The following CHN1 variants were observed in gnomAD, a reference collection of about 807,000 sequenced individuals.
CHN1 encodes chimerin 1.
Under a neutral mutation model 59.5 loss-of-function variants are expected in CHN1, and 37 were observed. The ratio of observed to expected loss-of-function variants is 0.62; its 90% confidence interval spans 0.48 to 0.82. CHN1 has a LOEUF of 0.82. CHN1 is among the 40% of genes least tolerant of loss of function. CHN1 has a pLI of 0.00. For synonymous variants in CHN1, 206 were observed against 200.4 expected, an observed-to-expected ratio of 1.03 and a Z score of -0.24; for missense variants, 469 against 571.0, an observed-to-expected ratio of 0.82 and a Z score of 1.82.
At chr2:174,886,312 C>G (rs1464381062) in intron 5 of CHN1, among the ~76,000 whole-genome samples, 1 of 152,170 alleles carries the variant, frequency 6.6e-6, no homozygotes, top group African/African-American at 2.4e-5. Context: ...TTCTTGGTGA[C>G]TCAAGTTTAT....
chr2:174,978,316 T>G (rs1470408553), intron 1 of CHN1, among the ~76,000 whole-genome samples: 1 of 152,232 alleles, frequency 6.6e-6, no homozygotes, highest in Non-Finnish European at 1.5e-5. Context: ...AGCTGTCTTG[T>G]AGAATGTCCA....
In CHN1 at chr2:174,810,377, T is replaced by C. The variant is rs1394926786; in HGVS notation, c.964+1134A>G. Among the ~76,000 whole-genome samples, 3 of 152,206 alleles carry C rather than the reference T, an allele frequency of 2.0e-5. No individual in the cohort carries two copies. In the East Asian group the frequency reaches 5.8e-4, roughly 29 times the overall value. ...GGTGAGCTCTTCATGAATTTTAAAA[T>C]CTGTTACTGGTGTTTTCAGGTCACA... On this transcript the variant is annotated intron_variant, in intron 10 of 12. Coordinates refer to ENST00000409900, the MANE Select transcript of CHN1 (RefSeq NM_001822.7).
chr2:174,960,900 G>A (rs1690375819), intron 1 of CHN1, among the ~76,000 whole-genome samples: 1 of 151,968 alleles, frequency 6.6e-6, no homozygotes, highest in Non-Finnish European at 1.5e-5. Flanking sequence ...GCTGAGGCAG[G>A]AGGATCACTT....
At chr2:174,953,327 T>C (rs1379734948) in intron 1 of CHN1, among the ~76,000 whole-genome samples, 2 of 152,120 alleles carry the variant, frequency 1.3e-5, no homozygotes, top group African/African-American at 4.8e-5. Flanking sequence ...ACAAATACTT[T>C]GAGAAAAAGG....
intron 6 of CHN1, among the ~76,000 whole-genome samples, chr2:174,852,097 T>C (rs1050887254): frequency 6.7e-6 from 1 of 149,832 alleles, no homozygotes; most frequent in Non-Finnish European, 1.5e-5. Context: ...GCCAACATGA[T>C]GAAACCCCTT....
intron 5 of CHN1, among the ~76,000 whole-genome samples, chr2:174,894,363 T>A (rs185508977): frequency 9.3e-4 from 141 of 152,026 alleles, no homozygotes; most frequent in Admixed American, 2.4e-3. Flanking sequence ...AACAAGCATA[T>A]GAAAAGATGT....
At chr2:174,838,316 C>G (rs756052898) in intron 7 of CHN1, among the ~76,000 whole-genome samples, 2 of 152,112 alleles carry the variant, frequency 1.3e-5, no homozygotes, top group Non-Finnish European at 2.9e-5. Context: ...TGGTCTTGAA[C>G]TCCTGACCTC....
In CHN1 at chr2:174,824,359, C is replaced by T. The variant is rs1222319153; in HGVS notation, c.712+75G>A. ...GATCCAGCCTACTGGATATGCATAA[C>T]AACAAGTCTCCTTCTACCTCACCTC... On this transcript the variant is annotated intron_variant, in intron 8 of 12. Transcript: ENST00000409900. 6.9e-6 allele frequency: 8 copies of T among 1,155,184 alleles called. No homozygotes were observed. In the Admixed American group the frequency reaches 1.6e-4, roughly 23 times the overall value. 71.6% of individuals were successfully genotyped at this position (1,155,184 alleles called of 1,614,324 possible). A position where few individuals can be genotyped will look rare whatever the true frequency, so the allele number is the denominator to read the frequency against.
intron 6 of CHN1, among the ~76,000 whole-genome samples, chr2:174,852,800 C>T (rs192876007): frequency 2.0e-5 from 3 of 152,084 alleles, no homozygotes; most frequent in Admixed American, 1.3e-4. Flanking sequence ...ATCTGATCTT[C>T]GACAAGGCTG....
intron 4 of CHN1, among the ~76,000 whole-genome samples, chr2:174,917,980 C>A (rs966338158): frequency 1.3e-5 from 2 of 151,964 alleles, no homozygotes; most frequent in African/African-American, 4.8e-5. Context: ...TTAAATGGAA[C>A]AATCAGGCTA....
At chr2:174,983,104 T>C (rs1691212434) in intron 1 of CHN1, among the ~76,000 whole-genome samples, 1 of 152,152 alleles carries the variant, frequency 6.6e-6, no homozygotes, top group Non-Finnish European at 1.5e-5. Context: ...AGAGAGGTTT[T>C]GAGGGGGACT....
chr2:174,946,431 A>G (rs1047043951), intron 2 of CHN1, among the ~76,000 whole-genome samples: 2 of 152,220 alleles, frequency 1.3e-5, no homozygotes, highest in Non-Finnish European at 2.9e-5. Context: ...ACACAAAGCC[A>G]CTTCATCAGG....
chr2:174,985,952 A>G (rs755501843), intron 1 of CHN1, among the ~76,000 whole-genome samples: 10 of 152,250 alleles, frequency 6.6e-5, no homozygotes, highest in Non-Finnish European at 1.2e-4. Context: ...GCAAATCATT[A>G]TAAATGTTCA....
chr2:174,987,486 C>T (rs1237233874), intron 1 of CHN1, among the ~76,000 whole-genome samples: 4 of 151,558 alleles, frequency 2.6e-5, no homozygotes, highest in Admixed American at 6.6e-5. Context: ...CGGCTCACTG[C>T]AACCTCCACC....
intron 1 of CHN1, among the ~76,000 whole-genome samples, chr2:174,956,553 C>T (rs900512192): frequency 1.3e-5 from 2 of 151,898 alleles, no homozygotes; most frequent in African/African-American, 2.4e-5. Context: ...GGCGGGTCAC[C>T]TGAGGTGAGG....
chr2:174,860,194 CTAAT>C (rs907655384), intron 6 of CHN1, among the ~76,000 whole-genome samples: 1 of 152,116 alleles, frequency 6.6e-6, no homozygotes, highest in Non-Finnish European at 1.5e-5. Flanking sequence ...TCTTGAGCAA[CTAAT>C]TAAACTGTTT....
chr2:174,996,341 C>A (rs960816381), intron 1 of CHN1, among the ~76,000 whole-genome samples: 1 of 152,222 alleles, frequency 6.6e-6, no homozygotes, highest in Non-Finnish European at 1.5e-5. Context: ...ATTACAAAAC[C>A]ACTTTTTCAA....
chr2:174,875,232 C>T (rs1215729358), intron 6 of CHN1, among the ~76,000 whole-genome samples: 3 of 152,124 alleles, frequency 2.0e-5, no homozygotes, highest in Non-Finnish European at 4.4e-5. Flanking sequence ...GCATAGAACC[C>T]TTTCTGCAGT....
At chr2:174,862,291 A>G (rs190402103) in intron 6 of CHN1, among the ~76,000 whole-genome samples, 7 of 151,796 alleles carry the variant, frequency 4.6e-5, no homozygotes, top group Admixed American at 2.6e-4. Flanking sequence ...AGGGTTTTTG[A>G]GATACTAGGT....
Sources: allele counts gnomAD v4.1 joint callset (sites outside exome capture counted in the v4.1 genomes callset), GRCh38; gene constraint gnomAD v4.1.1; transcripts MANE v1.5; gene names NCBI Gene and HGNC (gene_info 2026-07-23, HGNC 2026-07-21).